Variants in SUFU observed in about 807,000 individuals in gnomAD.
SUFU encodes suppressor of fused homolog.
SUFU carries 7 observed loss-of-function variants against 58.9 expected under a neutral mutation model. That is an observed-to-expected ratio of 0.12 (90% CI 0.07 to 0.22). The LOEUF is 0.22. Ranked by LOEUF, SUFU falls within the 10% of genes least tolerant of loss-of-function variation. SUFU has a pLI of 1.00. For synonymous variants in SUFU, 232 were observed against 254.8 expected (o/e 0.91, Z 0.85); for missense variants, 451 against 641.3 (o/e 0.70, Z 3.20).
chr10:102,606,723 G>A (rs2063565507), intron 8 of SUFU, among the ~76,000 whole-genome samples: 1 of 152,164 alleles, frequency 6.6e-6, no homozygotes, highest in African/African-American at 2.4e-5. Context: ...GGAAACCCCT[G>A]AAGGTGGCAG....
At chr10:102,598,502 A>C (rs2063486363) in intron 7 of SUFU, among the ~76,000 whole-genome samples, 1 of 152,098 alleles carries the variant, frequency 6.6e-6, no homozygotes. Flanking sequence ...TGCCAAGCCT[A>C]TTGGAGGCTC....
chr10:102,596,135 C>T (rs535459354), intron 6 of SUFU, among the ~76,000 whole-genome samples: 31 of 152,284 alleles, frequency 2.0e-4, no homozygotes, highest in African/African-American at 7.2e-4. Flanking sequence ...GGGAAGGAGG[C>T]GTCTGGGGCA....
chr10:102,587,961 T>A (rs1284046073), intron 3 of SUFU, among the ~76,000 whole-genome samples: 1 of 152,234 alleles, frequency 6.6e-6, no homozygotes, highest in Non-Finnish European at 1.5e-5. Flanking sequence ...AGGTCTGTGA[T>A]CCATTTTGAA....
chr10:102,574,261 A>G (rs1169969971), intron 3 of SUFU, among the ~76,000 whole-genome samples: 2 of 152,244 alleles, frequency 1.3e-5, no homozygotes, highest in Non-Finnish European at 2.9e-5. Flanking sequence ...AAAACAATAT[A>G]CAGAGATCTT....
chr10:102,572,691 C>G (rs1399743093), intron 3 of SUFU: 2 of 644,476 alleles, frequency 3.1e-6, no homozygotes, highest in Non-Finnish European at 5.7e-6. Flanking sequence ...CATGCCCAGC[C>G]TTTTTTTTGT....
intron 3 of SUFU, among the ~76,000 whole-genome samples, chr10:102,580,352 G>A (rs946235502): frequency 6.6e-6 from 1 of 152,104 alleles, no homozygotes; most frequent in Non-Finnish European, 1.5e-5. Flanking sequence ...TTGCTCCTAC[G>A]CTGTTTATAC....
Position 102,573,198 on chromosome 10 carries a change from G to A in SUFU, c.455-19384G>A, listed in dbSNP as rs561476594. The stretch of plus-strand genomic sequence containing the variant: ...TTGGCTTCGGCTTTAGGAGGAGCAG[G>A]AGCTTCCTTCTTTGCTTTCGGCACC... On this transcript the variant is annotated intron_variant, in intron 3 of 11. Transcript: ENST00000369902. The A allele has an allele frequency of 6.1e-3, 4,569 of 748,136 alleles. 19 individuals carry two copies. The highest frequency in any genetic ancestry group is 0.018 in the Middle Eastern group (68 of 3,748). The allele number at this position is 748,136 out of a possible 1,614,324, so 46.3% of individuals were successfully genotyped here. A position where few individuals can be genotyped will look rare whatever the true frequency, so the allele number is the denominator to read the frequency against.
intron 8 of SUFU, among the ~76,000 whole-genome samples, chr10:102,612,713 A>C (rs974257653): frequency 2.6e-5 from 4 of 152,202 alleles, no homozygotes; most frequent in African/African-American, 7.2e-5. Context: ...GTCTGGAGGC[A>C]GGAACCGGTG....
chr10:102,534,359 G>A (rs1190148155), intron 2 of SUFU, among the ~76,000 whole-genome samples: 7 of 152,148 alleles, frequency 4.6e-5, no homozygotes, highest in Non-Finnish European at 8.8e-5. Context: ...CCCGGGAAGC[G>A]GAGCTTGTGG....
chr10:102,506,068 A>T (rs1183667), intron 1 of SUFU, among the ~76,000 whole-genome samples: 1 of 145,128 alleles, frequency 6.9e-6, no homozygotes. Flanking sequence ...AAAAAAAAAG[A>T]AGTGGGCCTG....
At chr10:102,581,070 C>T (rs2063271863) in intron 3 of SUFU, among the ~76,000 whole-genome samples, 2 of 150,156 alleles carry the variant, frequency 1.3e-5, no homozygotes, top group African/African-American at 4.9e-5. Context: ...GTCCCAGCTA[C>T]TTGAGAGGCT....
chr10:102,599,686 G>T (rs1335518299), intron 8 of SUFU, 142 bp downstream of exon 8: 2 of 768,740 alleles, frequency 2.6e-6, no homozygotes, highest in Admixed American at 4.0e-5. Flanking sequence ...GGGCAGGCAT[G>T]GTCTGGGGCA....
At chr10:102,597,058 T>G in intron 6 of SUFU, 82 bp from the exon 7 acceptor site, 1 of 1,528,548 alleles carries the variant, frequency 6.5e-7, no homozygotes, top group South Asian at 1.1e-5. Context: ...GTAAATACTG[T>G]AAGAGCAGTG....
intron 9 of SUFU, among the ~76,000 whole-genome samples, chr10:102,616,543 G>A (rs2063688804): frequency 1.3e-5 from 2 of 152,348 alleles, no homozygotes; most frequent in South Asian, 2.1e-4. Context: ...CCCAGGCCCA[G>A]GGCCTTTCAA....
chr10:102,559,849 T>A (rs1472730991), intron 3 of SUFU, among the ~76,000 whole-genome samples: 1 of 152,186 alleles, frequency 6.6e-6, no homozygotes, highest in African/African-American at 2.4e-5. Context: ...TCATTTGCGT[T>A]TTTAGGAAAA....
At chr10:102,573,351 T>C (rs1270114114) in intron 3 of SUFU, 1 of 417,428 alleles carries the variant, frequency 2.4e-6, no homozygotes, top group African/African-American at 2.1e-5. Context: ...TTAGCAAGCA[T>C]GTGAAGAAAT....
rs2063854373 is a variant in SUFU at position 102,633,436 on chromosome 10, A to G, written c.*3281A>G. 8.6e-6 allele frequency: 2 copies of G among 231,486 alleles called. No individual in the cohort carries two copies. Among genetic ancestry groups the G allele is most frequent in the African/African-American group, 4.4e-5 (2 of 45,230 alleles). 14.3% of individuals were successfully genotyped at this position (231,486 alleles called of 1,614,324 possible). Reference sequence around the variant, plus strand: ...CTCTTCCTCTCTGTAATCTAAGTGCATTAAACATCTTTGCAGAAGTGCCTG... The same window carrying G: ...CTCTTCCTCTCTGTAATCTAAGTGCGTTAAACATCTTTGCAGAAGTGCCTG... On this transcript the variant is annotated 3_prime_UTR_variant, in exon 12 of 12. Coordinates refer to ENST00000369902, the MANE Select transcript of SUFU (RefSeq NM_016169.4).
At chr10:102,594,141 G>A in intron 6 of SUFU, 76 bp downstream of exon 6, 1 of 1,471,050 alleles carries the variant, frequency 6.8e-7, no homozygotes, top group South Asian at 1.1e-5. Flanking sequence ...CTTTCATCCT[G>A]GGAAAACAGA....
intron 4 of SUFU, among the ~76,000 whole-genome samples, chr10:102,592,993 C>G (rs558085227): frequency 6.6e-6 from 1 of 152,216 alleles, no homozygotes; most frequent in South Asian, 2.1e-4. Flanking sequence ...ATTCTTTGAA[C>G]AGTGAAGACC....
Sources: allele counts gnomAD v4.1 joint callset (sites outside exome capture counted in the v4.1 genomes callset), GRCh38; gene constraint gnomAD v4.1.1; transcripts MANE v1.5; gene names NCBI Gene and HGNC (gene_info 2026-07-23, HGNC 2026-07-21).